Variants in UBR1 observed in about 807,000 individuals in gnomAD.
The protein encoded by UBR1 is E3 ubiquitin-protein ligase UBR1.
In UBR1, 102 loss-of-function variants were observed where a neutral mutation model predicts 242.1. The observed-to-expected ratio is 0.42, with a 90% confidence interval of 0.36 to 0.50. UBR1 has a LOEUF of 0.50. UBR1 is among the 20% of genes least tolerant of loss of function. The pLI, the probability that UBR1 is intolerant of heterozygous loss-of-function variation, is 0.01. For synonymous variants in UBR1, 675 were observed against 684.8 expected (o/e 0.99, Z 0.22); for missense variants, 1,772 against 2,101.8 (o/e 0.84, Z 3.07).
intron 1 of UBR1, among the ~76,000 whole-genome samples, chr15:43,086,805 C>A (rs1389863322): frequency 6.6e-6 from 1 of 152,138 alleles, no homozygotes; most frequent in South Asian, 2.1e-4. Flanking sequence ...CAATGAGATA[C>A]CCCTGTACAA....
intron 46 of UBR1, among the ~76,000 whole-genome samples, chr15:42,947,335 C>G (rs976832469): frequency 4.6e-5 from 7 of 152,112 alleles, no homozygotes; most frequent in Non-Finnish European, 1.0e-4. Context: ...GAAACACTAC[C>G]TTCAAATTTT....
At chr15:43,082,570 C>T (rs2033985422) in intron 3 of UBR1, 68 bp downstream of exon 3, 1 of 1,243,746 alleles carries the variant, frequency 8.0e-7, no homozygotes, top group African/African-American at 1.5e-5. Flanking sequence ...GTGAATACTA[C>T]TCAAGAATTT....
intron 15 of UBR1, 106 bp downstream of exon 15, chr15:43,043,109 T>C: frequency 8.0e-7 from 1 of 1,254,082 alleles, no homozygotes; most frequent in Non-Finnish European, 1.1e-6. Flanking sequence ...GACCTGAGCA[T>C]GTCTGTACAT....
intron 18 of UBR1, 76 bp downstream of exon 18, chr15:43,036,452 C>T (rs573760413): frequency 1.5e-5 from 19 of 1,294,590 alleles, no homozygotes; most frequent in Non-Finnish European, 2.0e-5. Context: ...AAAATTATTA[C>T]ATTATCTTCT....
At chr15:42,975,073 T>C (rs2032267132) in intron 39 of UBR1, among the ~76,000 whole-genome samples, 1 of 152,256 alleles carries the variant, frequency 6.6e-6, no homozygotes, top group East Asian at 1.9e-4. Flanking sequence ...TTATTGTATT[T>C]TTAGTAGAGA....
intron 1 of UBR1, among the ~76,000 whole-genome samples, chr15:43,101,781 A>T (rs1009054261): frequency 3.3e-5 from 5 of 152,046 alleles, no homozygotes; most frequent in African/African-American, 1.2e-4. Flanking sequence ...AACCTGGCCA[A>T]CATGGTGAAA....
intron 27 of UBR1, among the ~76,000 whole-genome samples, chr15:43,018,008 GTT>G (rs869188283): frequency 7.2e-6 from 1 of 138,398 alleles, no homozygotes. Flanking sequence ...TTGGTTTGTT[GTT>G]TTTTTTTTTT....
intron 35 of UBR1, 78 bp downstream of exon 35, chr15:42,988,741 G>GA: frequency 6.3e-7 from 1 of 1,580,912 alleles, no homozygotes; most frequent in Non-Finnish European, 8.7e-7. Context: ...GGCCATCAGT[G>GA]AAAAAAAGAA....
At chr15:43,055,009 A>C in intron 11 of UBR1, 110 bp from the exon 12 acceptor site, 1 of 1,268,494 alleles carries the variant, frequency 7.9e-7, no homozygotes, top group Non-Finnish European at 1.1e-6. Context: ...AATGTTTGTT[A>C]TTGAATGTTA....
At chr15:43,016,605 C>G (rs2033027419) in intron 28 of UBR1, among the ~76,000 whole-genome samples, 2 of 152,164 alleles carry the variant, frequency 1.3e-5, no homozygotes, top group Admixed American at 6.5e-5. Context: ...GGGATGGAAT[C>G]TTGCTCTGTC....
chr15:43,074,553 C>A (rs1349128700), intron 4 of UBR1, among the ~76,000 whole-genome samples: 1 of 152,124 alleles, frequency 6.6e-6, no homozygotes, highest in Non-Finnish European at 1.5e-5. Context: ...CTCAGTCCCC[C>A]CAAGTAGCTG....
chr15:43,052,121 G>A (rs2033564759), intron 12 of UBR1, among the ~76,000 whole-genome samples: 1 of 152,128 alleles, frequency 6.6e-6, no homozygotes. Flanking sequence ...TGTTTTCCTA[G>A]GCAGATCTCA....
chr15:43,045,896 G>T (rs2033479757), intron 14 of UBR1, among the ~76,000 whole-genome samples: 1 of 152,162 alleles, frequency 6.6e-6, no homozygotes, highest in Non-Finnish European at 1.5e-5. Context: ...AAACCAGAGG[G>T]AAACAAAGTT....
At chr15:43,062,824 C>T (rs1328409055) in intron 6 of UBR1, among the ~76,000 whole-genome samples, 2 of 151,982 alleles carry the variant, frequency 1.3e-5, no homozygotes, top group Non-Finnish European at 2.9e-5. Context: ...TTTTAAAATA[C>T]GTGGGCATTT....
chr15:43,015,526 G>A, intron 29 of UBR1, 162 bp downstream of exon 29: 1 of 744,098 alleles, frequency 1.3e-6, no homozygotes, highest in Non-Finnish European at 2.2e-6. Flanking sequence ...AGGGTCCTCT[G>A]CCTAGGAAAA....
intron 2 of UBR1, among the ~76,000 whole-genome samples, chr15:43,083,226 G>C (rs1451819649): frequency 6.6e-6 from 1 of 152,010 alleles, no homozygotes; most frequent in African/African-American, 2.4e-5. Flanking sequence ...CTGGCATATA[G>C]TGGGTACTTA....
chr15:43,016,437 A>C (rs1320425620), intron 28 of UBR1, among the ~76,000 whole-genome samples: 2 of 151,870 alleles, frequency 1.3e-5, no homozygotes, highest in East Asian at 3.8e-4. Context: ...AATAACACAA[A>C]TATTATTGCA....
In UBR1 at chr15:43,062,241, C is replaced by T. The variant is rs75904235; in HGVS notation, c.799-2127G>A. 6.5e-3 allele frequency among the ~76,000 whole-genome samples: 987 copies of T among 152,124 alleles called. 18 individuals are homozygous for T. The East Asian group carries it at 0.082, about 13-fold the overall frequency. On this transcript the variant is annotated intron_variant, in intron 6 of 46. Transcript: ENST00000290650. ...TAGCAGAAGGTGGAAGCAACCCAAG[C>T]GTCCACTGACAAGATGAACAGGCAA...
At chr15:43,035,231 A>C (rs1385851872) in intron 19 of UBR1, among the ~76,000 whole-genome samples, 2 of 152,136 alleles carry the variant, frequency 1.3e-5, no homozygotes, top group Non-Finnish European at 2.9e-5. Context: ...CAAGCAAGAC[A>C]CTAAAACTTT....
Sources: gnomAD v4.1 joint callset for allele counts (sites outside exome capture counted in the v4.1 genomes callset) on GRCh38, gnomAD v4.1.1 for gene constraint, MANE v1.5 for transcripts, NCBI Gene and HGNC (gene_info 2026-07-23, HGNC 2026-07-21) for gene names.